SLC35F3: variants seen among roughly 807,000 people sequenced by gnomAD.
The protein encoded by SLC35F3 is solute carrier family 35 member F3.
In SLC35F3, 25 loss-of-function variants were observed where a neutral mutation model predicts 49.9. That is an observed-to-expected ratio of 0.50 (90% CI 0.37 to 0.70). SLC35F3 has a LOEUF of 0.70. Ranked by LOEUF, SLC35F3 falls within the 30% of genes least tolerant of loss-of-function variation. The pLI, the probability that SLC35F3 is intolerant of heterozygous loss-of-function variation, is 0.00. For synonymous variants in SLC35F3, 275 were observed against 265.4 expected, an observed-to-expected ratio of 1.04 and a Z score of -0.35; for missense variants, 525 against 639.8, an observed-to-expected ratio of 0.82 and a Z score of 1.94.
chr1:234,144,195 C>T (rs1442064041), intron 2 of SLC35F3, among the ~76,000 whole-genome samples: 1 of 152,160 alleles, frequency 6.6e-6, no homozygotes, highest in Non-Finnish European at 1.5e-5. Context: ...TCTCCCAGTG[C>T]TTCTCAGTTC....
intron 3 of SLC35F3, among the ~76,000 whole-genome samples, chr1:234,281,223 C>CT (rs1374019048): frequency 6.6e-6 from 1 of 152,026 alleles, no homozygotes; most frequent in Non-Finnish European, 1.5e-5. Context: ...ACAGGTGTGC[C>CT]TATAAGAAGA....
chr1:234,252,312 C>T (rs570433070), intron 3 of SLC35F3, among the ~76,000 whole-genome samples: 13 of 152,216 alleles, frequency 8.5e-5, no homozygotes, highest in African/African-American at 4.8e-5. Context: ...TCAAGTGATT[C>T]GCCCACCTCA....
At chr1:234,099,486 T>C (rs1665181400) in intron 2 of SLC35F3, among the ~76,000 whole-genome samples, 1 of 151,858 alleles carries the variant, frequency 6.6e-6, no homozygotes, top group South Asian at 2.1e-4. Flanking sequence ...GGCGGGAGCC[T>C]GCAGTCCCAG....
chr1:233,918,798 T>TTCTC (rs879841839), intron 2 of SLC35F3, among the ~76,000 whole-genome samples: 1 of 49,780 alleles, frequency 2.0e-5, no homozygotes, highest in African/African-American at 4.9e-5. Context: ...CTCTCTCTCT[T>TTCTC]TCTCTCTCTC....
At position 234,316,191 on chromosome 1, in the gene SLC35F3, G is replaced by A. The variant is rs74147432; in HGVS notation, c.829-411G>A. On this transcript the variant is annotated intron_variant, in intron 4 of 7. Transcript: ENST00000366618. ...AATACATAAAAGCAAGGTCACAGGA[G>A]GTACTTTCAGAAGGCTGGGGAAGAA... 5.0e-3 allele frequency among the ~76,000 whole-genome samples: 760 copies of A among 152,338 alleles called. 5 individuals are homozygous for A. The highest frequency in any genetic ancestry group is 0.017 in the African/African-American group (708 of 41,574).
intron 2 of SLC35F3, among the ~76,000 whole-genome samples, chr1:233,990,938 C>G (rs1663346264): frequency 6.6e-6 from 1 of 152,188 alleles, no homozygotes; most frequent in South Asian, 2.1e-4. Flanking sequence ...ATGCAGCCTG[C>G]AAATCTGCCC....
intron 2 of SLC35F3, among the ~76,000 whole-genome samples, chr1:234,088,782 G>T (rs1664997801): frequency 1.3e-5 from 2 of 151,954 alleles, no homozygotes; most frequent in South Asian, 4.2e-4. Flanking sequence ...TTATTTTTGA[G>T]ACAGAGTCTC....
intron 2 of SLC35F3, among the ~76,000 whole-genome samples, chr1:234,126,484 T>TGTGTGTGTGTGTGTGTGTGTGTGTGC (rs1665649833): frequency 1.3e-5 from 2 of 152,022 alleles, no homozygotes; most frequent in African/African-American, 2.4e-5. Flanking sequence ...TACATGTGTG[T>TGTGTGTGTGTGTGTGTGTGTGTGTGC]GTGTGTGTAT....
intron 2 of SLC35F3, among the ~76,000 whole-genome samples, chr1:233,952,387 G>A (rs1227223217): frequency 4.6e-5 from 7 of 152,186 alleles, no homozygotes; most frequent in Non-Finnish European, 8.8e-5. Context: ...TGGGGTTGAG[G>A]TGGGTGTGGG....
intron 2 of SLC35F3, among the ~76,000 whole-genome samples, chr1:233,981,212 C>T (rs1011393631): frequency 6.6e-6 from 1 of 151,734 alleles, no homozygotes; most frequent in East Asian, 1.9e-4. Flanking sequence ...TTTATGTGTA[C>T]GTGTGTGTGT....
At chr1:234,018,226 T>G (rs962752683) in intron 2 of SLC35F3, among the ~76,000 whole-genome samples, 6 of 152,160 alleles carry the variant, frequency 3.9e-5, no homozygotes, top group African/African-American at 9.7e-5. Flanking sequence ...ACAGAATCCG[T>G]GAATAATGAG....
chr1:234,268,480 G>C (rs114718396), intron 3 of SLC35F3: 3 of 151,270 alleles, frequency 2.0e-5, no homozygotes, highest in Non-Finnish European at 4.4e-5. Context: ...GGAGAGGGAG[G>C]GGGAGAGGGA....
chr1:234,315,149 C>A (rs1471331564), intron 4 of SLC35F3, among the ~76,000 whole-genome samples: 1 of 152,154 alleles, frequency 6.6e-6, no homozygotes, highest in African/African-American at 2.4e-5. Context: ...CCAGAAAGAA[C>A]ACGCAGACAG....
At chr1:234,179,181 A>G (rs1214731606) in intron 2 of SLC35F3, among the ~76,000 whole-genome samples, 1 of 152,178 alleles carries the variant, frequency 6.6e-6, no homozygotes, top group Non-Finnish European at 1.5e-5. Flanking sequence ...CCTGAGTAGA[A>G]TAGAACTCCT....
rs527927632 is a variant in SLC35F3, at chr1:234,243,845, G to A, written c.608+12104G>A. Among the ~76,000 whole-genome samples the A allele has an allele frequency of 5.9e-5, 9 of 152,258 alleles. No individual in the cohort carries two copies. In the East Asian group the frequency reaches 1.7e-3, roughly 29 times the overall value. On this transcript the variant is annotated intron_variant, in intron 3 of 7. Coordinates refer to ENST00000366618, the MANE Select transcript of SLC35F3 (RefSeq NM_173508.4). ...CCAGCCTCCCCTGGCATCTAACTTG[G>A]GCTAAGTGACTTCCCTCCAAATGGC...
chr1:233,906,212 A>T (rs1661774063), intron 2 of SLC35F3, among the ~76,000 whole-genome samples: 1 of 152,150 alleles, frequency 6.6e-6, no homozygotes, highest in Admixed American at 6.5e-5. Context: ...AGCCCTGATG[A>T]TAGAGGACAA....
At chr1:234,081,800 C>T (rs944903123) in intron 2 of SLC35F3, among the ~76,000 whole-genome samples, 6 of 150,358 alleles carry the variant, frequency 4.0e-5, no homozygotes, top group African/African-American at 1.5e-4. Flanking sequence ...TGCAGTGGCG[C>T]GATCTGGGCT....
rs1226408411 is a variant in SLC35F3 at position 233,957,076 on chromosome 1, T to G, written c.283+51318T>G. On this transcript the variant is annotated intron_variant, in intron 2 of 7. Transcript: ENST00000366618. The surrounding 1 kb of genome is among the most constrained non-coding windows in gnomAD (Gnocchi z 4.0). ...TAAGTGAAGAAGCCTTTGCCGGTTTTATTTTTCCTGGTATCCTCTCTCTTA... is the reference window on the plus strand; with the variant it reads ...TAAGTGAAGAAGCCTTTGCCGGTTTGATTTTTCCTGGTATCCTCTCTCTTA... Among the ~76,000 whole-genome samples, 1 of 152,196 alleles carries G rather than the reference T, an allele frequency of 6.6e-6. No individual in the cohort carries two copies. Among genetic ancestry groups the G allele is most frequent in the South Asian group, 2.1e-4 (1 of 4,816 alleles).
rs1205285041 is a variant in SLC35F3, at chr1:234,143,280, TTTCTTTTC to T, written c.284-88134_284-88127del. 2.6e-4 allele frequency among the ~76,000 whole-genome samples: 32 copies of T among 123,480 alleles called. 1 individual carries two copies. The highest frequency in any genetic ancestry group is 1.2e-3 in the African/African-American group (31 of 24,908). 81.0% of individuals were successfully genotyped at this position (123,480 alleles called of 152,430 possible). A position where few individuals can be genotyped will look rare whatever the true frequency, so the allele number is the denominator to read the frequency against. ...GCTTCTATGAGTTTGACTCTTTTCT[TTTCTTTTC>T]TTTTTTTTTTTTTTTTTGAGATAAA... On this transcript the variant is annotated intron_variant, in intron 2 of 7. Coordinates refer to ENST00000366618, the MANE Select transcript of SLC35F3 (RefSeq NM_173508.4).
Sources: allele counts gnomAD v4.1 joint callset (sites outside exome capture counted in the v4.1 genomes callset), GRCh38; gene constraint gnomAD v4.1.1; non-coding constraint Gnocchi (gnomAD v3.1); transcripts MANE v1.5; gene names NCBI Gene and HGNC (gene_info 2026-07-23, HGNC 2026-07-21).